Variants in SCN2A observed in about 807,000 individuals in gnomAD.
SCN2A encodes the protein sodium voltage-gated channel alpha subunit 2, also known as sodium channel protein type 2 subunit alpha.
In SCN2A, 20 loss-of-function variants were observed where a neutral mutation model predicts 188.7. The ratio of observed to expected loss-of-function variants is 0.11; its 90% CI spans 0.07 to 0.15. SCN2A has a LOEUF of 0.15. Among genes scored for constraint, SCN2A ranks in the 10% least tolerant of loss-of-function variants. The probability of loss-of-function intolerance (pLI) is 1.00; values close to 1 mark genes in which losing one functional copy is unlikely to be tolerated. For synonymous variants in SCN2A, 804 were observed against 833.1 expected (o/e 0.97, Z 0.60); for missense variants, 1,278 against 2,445.0 (o/e 0.52, Z 10.07).
chr2:165,260,572 C>T (rs1330469952), intron 1 of SCN2A, among the ~76,000 whole-genome samples: 1 of 152,084 alleles, frequency 6.6e-6, no homozygotes, highest in African/African-American at 2.4e-5. Flanking sequence ...GCACTGGCTT[C>T]AACTGAAAGT....
intron 14 of SCN2A, among the ~76,000 whole-genome samples, chr2:165,341,278 A>G (rs1005140349): frequency 1.3e-5 from 2 of 152,112 alleles, no homozygotes; most frequent in African/African-American, 4.8e-5. Flanking sequence ...TATTTTTAGT[A>G]GAGAAGAGGT....
intron 13 of SCN2A, among the ~76,000 whole-genome samples, chr2:165,330,600 T>G (rs771249926): frequency 6.6e-6 from 1 of 152,156 alleles, no homozygotes; most frequent in Non-Finnish European, 1.5e-5. Context: ...TTTAAATAAA[T>G]GTTTACCATG....
chr2:165,330,904 C>G (rs559224678), intron 13 of SCN2A, among the ~76,000 whole-genome samples: 4 of 152,242 alleles, frequency 2.6e-5, no homozygotes, highest in Non-Finnish European at 5.9e-5. Flanking sequence ...CAAAACATAT[C>G]TAATCCAAGA....
intron 16 of SCN2A, among the ~76,000 whole-genome samples, chr2:165,348,358 CAAAAA>C (rs559810900): frequency 1.2e-5 from 1 of 80,584 alleles, no homozygotes. Context: ...GACTCTGTTG[CAAAAA>C]AAAAAAAAAA....
At chr2:165,281,067 A>G (rs1695564819) in intron 1 of SCN2A, among the ~76,000 whole-genome samples, 1 of 152,172 alleles carries the variant, frequency 6.6e-6, no homozygotes, top group South Asian at 2.1e-4. Flanking sequence ...TACAAATAAA[A>G]TAAATTAGCC....
chr2:165,246,954 G>T (rs1177564089), intron 1 of SCN2A, among the ~76,000 whole-genome samples: 2 of 151,976 alleles, frequency 1.3e-5, no homozygotes, highest in Non-Finnish European at 2.9e-5. Flanking sequence ...TGACAACTTT[G>T]TTTCCTAAAT....
In SCN2A at chr2:165,260,038, G is replaced by T. The variant is rs561183640; in HGVS notation, c.-52+20398G>T. The stretch of plus-strand genomic sequence containing the variant: ...AGCTCGCTGCAGGCTCCATCTTCTG[G>T]GTTCCCGCCATTCTCCCACCTCAAC... On this transcript the variant is annotated intron_variant, in intron 1 of 26. Transcript: ENST00000375437. 2.7e-5 allele frequency among the ~76,000 whole-genome samples: 4 copies of T among 148,512 alleles called. No homozygotes were observed. In the Admixed American group the frequency reaches 2.7e-4, roughly 10 times the overall value.
chr2:165,356,160 A>G (rs1268118814), intron 17 of SCN2A, among the ~76,000 whole-genome samples: 1 of 152,204 alleles, frequency 6.6e-6, no homozygotes, highest in East Asian at 1.9e-4. Context: ...AAATTCAGAC[A>G]ATCTTTGAAT....
At chr2:165,304,225 T>G (rs1341515687) in intron 3 of SCN2A, among the ~76,000 whole-genome samples, 1 of 151,926 alleles carries the variant, frequency 6.6e-6, no homozygotes, top group Non-Finnish European at 1.5e-5. Context: ...AGCCTCCTGA[T>G]TAGCTGGGAT....
intron 16 of SCN2A, among the ~76,000 whole-genome samples, chr2:165,349,318 TA>T (rs1699765792): frequency 6.6e-6 from 1 of 152,178 alleles, no homozygotes; most frequent in Non-Finnish European, 1.5e-5. Flanking sequence ...CTGTGCATAA[TA>T]AAATGTATTT....
At chr2:165,302,007 C>A (rs1390182566) in intron 3 of SCN2A, among the ~76,000 whole-genome samples, 1 of 152,030 alleles carries the variant, frequency 6.6e-6, no homozygotes, top group Admixed American at 6.6e-5. Flanking sequence ...ATTTTTAAAC[C>A]CTCGGATTTA....
intron 1 of SCN2A, chr2:165,271,418 G>A (rs10184275): frequency 0.86 from 130,266 of 152,044 alleles, 56,229 homozygotes; most frequent in African/African-American, 0.96. Context: ...GATACTCGAT[G>A]GGAATTCTGT....
chr2:165,241,682 A>G lies in SCN2A; in HGVS notation c.-52+2042A>G, dbSNP rs575666063. 4.6e-5 allele frequency among the ~76,000 whole-genome samples: 7 copies of G among 152,338 alleles called. No homozygotes were observed. In the South Asian group the frequency reaches 1.2e-3, roughly 27 times the overall value. On this transcript the variant is annotated intron_variant, in intron 1 of 26. Coordinates refer to ENST00000375437, the MANE Select transcript of SCN2A (RefSeq NM_001040142.2). ...AATATACATGTGCAGATACCACTAT[A>G]TCTCAAAATAAGGAATGAAGAAAGA...
chr2:165,288,643 G>A (rs541311538), intron 1 of SCN2A, among the ~76,000 whole-genome samples: 1 of 151,734 alleles, frequency 6.6e-6, no homozygotes, highest in African/African-American at 2.4e-5. Context: ...CGTAAGTCTG[G>A]TTGTTCAGAA....
intron 14 of SCN2A, among the ~76,000 whole-genome samples, chr2:165,338,224 T>C (rs1699104669): frequency 6.6e-6 from 1 of 151,976 alleles, no homozygotes; most frequent in Non-Finnish European, 1.5e-5. Flanking sequence ...TGGGGATTTA[T>C]AACATAGGTA....
intron 13 of SCN2A, among the ~76,000 whole-genome samples, chr2:165,330,165 G>A (rs1698599587): frequency 6.6e-6 from 1 of 152,154 alleles, no homozygotes; most frequent in Non-Finnish European, 1.5e-5. Context: ...TGCCACAATA[G>A]TATTAAAGTG....
chr2:165,314,256 A>T, intron 10 of SCN2A, 148 bp downstream of exon 10: 1 of 750,318 alleles, frequency 1.3e-6, no homozygotes, highest in South Asian at 1.8e-5. Flanking sequence ...TTAAGAAGTT[A>T]TTACTTTATT....
chr2:165,242,011 C>G (rs560420651), intron 1 of SCN2A, among the ~76,000 whole-genome samples: 30 of 152,156 alleles, frequency 2.0e-4, no homozygotes, highest in African/African-American at 7.2e-4. Flanking sequence ...CTGTTTGAAG[C>G]TTTTGTTGTC....
chr2:165,333,122 G>A (rs1342087074), intron 14 of SCN2A, among the ~76,000 whole-genome samples: 2 of 151,956 alleles, frequency 1.3e-5, no homozygotes, highest in Non-Finnish European at 2.9e-5. Context: ...TGGTTTTAAT[G>A]CCATATTCGC....
Sources: allele counts gnomAD v4.1 joint callset (sites outside exome capture counted in the v4.1 genomes callset), GRCh38; gene constraint gnomAD v4.1.1; transcripts MANE v1.5; gene names NCBI Gene and HGNC (gene_info 2026-07-23, HGNC 2026-07-21).